LIN7A: variants seen among roughly 807,000 people sequenced by gnomAD.
LIN7A encodes lin-7 cell polarity scaffold A.
A neutral mutation model predicts 29.8 loss-of-function variants in LIN7A; 25 were observed. The observed-to-expected ratio is 0.84, with a 90% CI of 0.61 to 1.17. LIN7A has a LOEUF of 1.17. LIN7A is among the 50% of genes most tolerant of loss of function. The probability of loss-of-function intolerance (pLI) is 0.00; values close to 1 mark genes in which losing one functional copy is unlikely to be tolerated. For missense variants in LIN7A, 239 were observed against 287.0 expected (o/e 0.83, Z 1.21); for synonymous variants, 118 against 107.5 (o/e 1.10, Z -0.60).
At chr12:80,843,966 A>G (rs1437187185) in intron 4 of LIN7A, among the ~76,000 whole-genome samples, 1 of 151,572 alleles carries the variant, frequency 6.6e-6, no homozygotes, top group Non-Finnish European at 1.5e-5. Context: ...TCAACCACGT[A>G]TTAAATTTAT....
At position 80,807,076 on chromosome 12, in the gene LIN7A, T is replaced by TTTTTTTTTTTTTGTTG. The variant is rs1555221359; in HGVS notation, c.*4388_*4389insCAACAAAAAAAAAAAA. Among the ~76,000 whole-genome samples the TTTTTTTTTTTTTGTTG allele has an allele frequency of 2.4e-5, 3 of 126,070 alleles. 1 individual carries two copies. The highest frequency in any genetic ancestry group is 9.9e-5 in the African/African-American group (3 of 30,200). 82.7% of individuals were successfully genotyped at this position (126,070 alleles called of 152,430 possible). A position where few individuals can be genotyped will look rare whatever the true frequency, so the allele number is the denominator to read the frequency against. ...AATGAAGATGGAGTTTTTTTTTTTT[T>TTTTTTTTTTTTTGTTG]TTTTTTTTTTTTTTTGACGGAGTCT... is the stretch of plus-strand genomic sequence containing the variant. On this transcript the variant is annotated intron_variant, in intron 5 of 5. Transcript: ENST00000552864.
intron 2 of LIN7A, chr12:80,861,610 T>C (rs1046027219): frequency 3.3e-5 from 5 of 152,298 alleles, no homozygotes; most frequent in African/African-American, 1.2e-4. Flanking sequence ...TGCCACTGCC[T>C]TTACTGTCCT....
intron 3 of LIN7A, among the ~76,000 whole-genome samples, chr12:80,846,703 C>G (rs889635136): frequency 6.6e-6 from 1 of 151,878 alleles, no homozygotes; most frequent in Non-Finnish European, 1.5e-5. Context: ...GATTTTATAC[C>G]TAGATATACA....
chr12:80,832,566 C>G (rs1280795254), intron 4 of LIN7A: 2 of 477,490 alleles, frequency 4.2e-6, no homozygotes, highest in Admixed American at 4.6e-5. Context: ...GGAGCCTGGA[C>G]TTACCATTTG....
chr12:80,808,070 G>A (rs959658043), intron 5 of LIN7A, among the ~76,000 whole-genome samples: 1 of 152,110 alleles, frequency 6.6e-6, no homozygotes, highest in Non-Finnish European at 1.5e-5. Context: ...TGACCCCATA[G>A]CCACCACCAC....
chr12:80,910,624 T>G (rs1876702731), intron 1 of LIN7A, among the ~76,000 whole-genome samples: 1 of 152,212 alleles, frequency 6.6e-6, no homozygotes, highest in Admixed American at 6.5e-5. Context: ...TTTCTACACC[T>G]ATTGAGATGA....
At chr12:80,878,667 C>T (rs987509265) in intron 2 of LIN7A, among the ~76,000 whole-genome samples, 6 of 152,200 alleles carry the variant, frequency 3.9e-5, no homozygotes, top group Non-Finnish European at 7.3e-5. Flanking sequence ...TATTTGTCCC[C>T]GCCCATGTCC....
chr12:80,825,368 A>T (rs979294987), intron 4 of LIN7A, among the ~76,000 whole-genome samples: 3 of 152,246 alleles, frequency 2.0e-5, no homozygotes, highest in Admixed American at 2.0e-4. Flanking sequence ...CAGGGATGAT[A>T]CAGCCTGGTT....
At chr12:80,899,855 G>A (rs543860562) in intron 1 of LIN7A, among the ~76,000 whole-genome samples, 22 of 139,450 alleles carry the variant, frequency 1.6e-4, no homozygotes, top group Non-Finnish European at 3.4e-4. Flanking sequence ...TGCAAGCTCC[G>A]CCCCCAGGTT....
chr12:80,877,868 GA>G (rs1169752162), intron 2 of LIN7A, among the ~76,000 whole-genome samples: 3,646 of 129,636 alleles, frequency 0.028, 119 homozygotes, highest in African/African-American at 0.092. Flanking sequence ...GCACTGGGAA[GA>G]AAAAAAAAAA....
chr12:80,848,543 T>C (rs542111340), intron 2 of LIN7A, among the ~76,000 whole-genome samples: 1 of 152,002 alleles, frequency 6.6e-6, no homozygotes, highest in Non-Finnish European at 1.5e-5. Context: ...TAAAATGTAG[T>C]AGAAAAAAAT....
chr12:80,837,040 GA>G (rs1872616181), intron 4 of LIN7A, among the ~76,000 whole-genome samples: 3 of 152,024 alleles, frequency 2.0e-5, no homozygotes, highest in Admixed American at 2.0e-4. Context: ...AGCAGAAGGA[GA>G]AAAGTCTGAA....
At chr12:80,937,214 C>A (rs756569386) in intron 1 of LIN7A, 39 of 166,022 alleles carry the variant, frequency 2.3e-4, no homozygotes, top group Non-Finnish European at 4.4e-4. Context: ...CGGGCCCCTG[C>A]GCCAAGCAAG....
At chr12:80,914,663 A>G (rs1274339262) in intron 1 of LIN7A, among the ~76,000 whole-genome samples, 1 of 152,186 alleles carries the variant, frequency 6.6e-6, no homozygotes, top group African/African-American at 2.4e-5. Context: ...AACTGCCCAC[A>G]GTCATATCAA....
rs560135774 is a variant in LIN7A at position 80,809,117 on chromosome 12, C to T, written c.*2348G>A. 5.3e-5 allele frequency among the ~76,000 whole-genome samples: 8 copies of T among 152,108 alleles called. No individual in the cohort carries two copies. The East Asian group carries it at 9.7e-4, about 18-fold the overall frequency. On this transcript the variant is annotated intron_variant, in intron 5 of 5. Coordinates refer to ENST00000552864, the MANE Select transcript of LIN7A (RefSeq NM_004664.4). ...TCTCCTGCCTCAGCCTCCCAAGTAGCTGGGGCTACAGGAGCTAATTTTTGA... is the reference window on the plus strand; with the variant it reads ...TCTCCTGCCTCAGCCTCCCAAGTAGTTGGGGCTACAGGAGCTAATTTTTGA...
intron 1 of LIN7A, among the ~76,000 whole-genome samples, chr12:80,921,719 G>C (rs1017659972): frequency 1.3e-5 from 2 of 152,168 alleles, no homozygotes; most frequent in Middle Eastern, 3.4e-3. Context: ...ATGCATTTTG[G>C]GGGGACAGAA....
intron 1 of LIN7A, among the ~76,000 whole-genome samples, chr12:80,916,334 C>A (rs1238434368): frequency 6.6e-6 from 1 of 152,108 alleles, no homozygotes; most frequent in Non-Finnish European, 1.5e-5. Flanking sequence ...GCCTCATGCA[C>A]CCCCTGATTT....
intron 1 of LIN7A, among the ~76,000 whole-genome samples, chr12:80,933,317 T>C (rs2120964348): frequency 6.6e-6 from 1 of 152,344 alleles, no homozygotes; most frequent in Non-Finnish European, 1.5e-5. Flanking sequence ...CAGTTTTTGA[T>C]CATTTTCTTG....
rs375792708 is a variant in LIN7A, at chr12:80,876,114, C to CAG, written c.201+13135_201+13136dup. Among the ~76,000 whole-genome samples, 13 of 151,088 alleles carry CAG rather than the reference C, an allele frequency of 8.6e-5. No homozygotes were observed. The East Asian group carries it at 1.4e-3, about 16-fold the overall frequency. On this transcript the variant is annotated intron_variant, in intron 2 of 5. Transcript: ENST00000552864. ...AGAAAGAGAGAGACAGACAGAGAGA[C>CAG]AGAGAGAGAGAGTGACAGAAACAAA... is the stretch of plus-strand genomic sequence containing the variant.
Sources: gnomAD v4.1 joint callset for allele counts (sites outside exome capture counted in the v4.1 genomes callset) on GRCh38, gnomAD v4.1.1 for gene constraint, MANE v1.5 for transcripts, NCBI Gene and HGNC (gene_info 2026-07-23, HGNC 2026-07-21) for gene names.